The following MAGI2 variants were observed in gnomAD, a reference collection of about 807,000 sequenced individuals.
MAGI2 encodes the protein membrane-associated guanylate kinase, WW and PDZ domain-containing protein 2.
MAGI2 carries 35 observed loss-of-function variants against 133.3 expected under a neutral mutation model. That is an observed-to-expected ratio of 0.26 (90% CI 0.20 to 0.35). The LOEUF (loss-of-function observed/expected upper bound fraction) is 0.35. Among genes scored for constraint, MAGI2 ranks in the 10% least tolerant of loss-of-function variants. The pLI, the probability that MAGI2 is intolerant of heterozygous loss-of-function variation, is 1.00. For synonymous variants in MAGI2, 729 were observed against 710.6 expected (o/e 1.03, Z -0.41); for missense variants, 1,636 against 1,863.4 (o/e 0.88, Z 2.25).
At chr7:78,313,704 C>A (rs756035456) in intron 9 of MAGI2, among the ~76,000 whole-genome samples, 2 of 151,684 alleles carry the variant, frequency 1.3e-5, no homozygotes, top group Non-Finnish European at 2.9e-5. Flanking sequence ...TGGCCAGTAG[C>A]ACATTTTGTT....
intron 1 of MAGI2, among the ~76,000 whole-genome samples, chr7:79,255,522 CAATG>C (rs1162008616): frequency 2.0e-5 from 3 of 152,148 alleles, no homozygotes; most frequent in South Asian, 4.1e-4. Flanking sequence ...TGGAATCACA[CAATG>C]ATTTAGAGAA....
At chr7:78,821,651 T>A (rs1158338024) in intron 2 of MAGI2, among the ~76,000 whole-genome samples, 2 of 152,084 alleles carry the variant, frequency 1.3e-5, no homozygotes, top group Non-Finnish European at 2.9e-5. Context: ...TATAAAACTA[T>A]TTAAAGTGTA....
intron 6 of MAGI2, among the ~76,000 whole-genome samples, chr7:78,410,055 ATGG>A (rs1333519380): frequency 6.6e-5 from 10 of 152,046 alleles, no homozygotes; most frequent in African/African-American, 2.2e-4. Flanking sequence ...AGGAAAGCTG[ATGG>A]TCTCAGTCCA....
At chr7:78,797,221 T>C (rs1452353689) in intron 2 of MAGI2, among the ~76,000 whole-genome samples, 1 of 152,120 alleles carries the variant, frequency 6.6e-6, no homozygotes, top group African/African-American at 2.4e-5. Flanking sequence ...ATCGTAGACA[T>C]GTATCAAAAT....
rs1365974003 is a variant in MAGI2, at chr7:78,019,453, C to A, written c.4230G>T (p.Ala1410=). ...GGGGTCGCGGGCCCGGCCGGGGACC[C>A]GCGCGCGCACCCGCCCTGCCCTCGG... ...LEAEGRAGAR[A]GPRPGPRPPG... The change falls in exon 22 of 22, where the codon GCG becomes GCT. Residue 1410 remains alanine (A), a synonymous_variant. Transcript: ENST00000354212. 4 of 983,128 alleles carry A rather than the reference C, an allele frequency of 4.1e-6. No individual in the cohort carries two copies. In the African/African-American group the frequency reaches 5.3e-5, roughly 13 times the overall value. 60.9% of individuals were successfully genotyped at this position (983,128 alleles called of 1,614,324 possible). A position where few individuals can be genotyped will look rare whatever the true frequency, so the allele number is the denominator to read the frequency against.
At chr7:78,923,502 G>A (rs1799429099) in intron 2 of MAGI2, among the ~76,000 whole-genome samples, 1 of 152,154 alleles carries the variant, frequency 6.6e-6, no homozygotes, top group African/African-American at 2.4e-5. Flanking sequence ...TCAGATAGTT[G>A]TAGATAAGCG....
At chr7:78,400,401 T>C (rs1466622397) in intron 6 of MAGI2, among the ~76,000 whole-genome samples, 4 of 152,208 alleles carry the variant, frequency 2.6e-5, no homozygotes, top group Non-Finnish European at 4.4e-5. Flanking sequence ...CAAAATAGAT[T>C]ATAATATATT....
intron 1 of MAGI2, among the ~76,000 whole-genome samples, chr7:79,341,362 C>T (rs1464775376): frequency 6.6e-6 from 1 of 151,722 alleles, no homozygotes; most frequent in Non-Finnish European, 1.5e-5. Flanking sequence ...CTTTATTCTC[C>T]ATATTGACAT....
intron 3 of MAGI2, among the ~76,000 whole-genome samples, chr7:78,530,159 C>A (rs1043897959): frequency 1.3e-5 from 2 of 152,044 alleles, no homozygotes; most frequent in Non-Finnish European, 2.9e-5. Flanking sequence ...AACAATAAAC[C>A]GAACATCTCT....
At chr7:78,711,192 A>G (rs2151176076) in intron 2 of MAGI2, among the ~76,000 whole-genome samples, 1 of 152,284 alleles carries the variant, frequency 6.6e-6, no homozygotes, top group Non-Finnish European at 1.5e-5. Context: ...TCAACAAAGG[A>G]AACATTCATT....
At position 78,963,094 on chromosome 7, in the gene MAGI2, G is replaced by A. The variant is rs529569081; in HGVS notation, c.418+43996C>T. Among the ~76,000 whole-genome samples, 5 of 152,092 alleles carry A rather than the reference G, an allele frequency of 3.3e-5. No individual in the cohort carries two copies. In the East Asian group the frequency reaches 5.8e-4, roughly 18 times the overall value. ...TAACTCAAGTGTCTGTAAACTATGAGTTATGGATTATTCACCTACTTTAAA... is the reference window on the plus strand; with the variant it reads ...TAACTCAAGTGTCTGTAAACTATGAATTATGGATTATTCACCTACTTTAAA... On this transcript the variant is annotated intron_variant, in intron 2 of 21. Coordinates refer to ENST00000354212, the MANE Select transcript of MAGI2 (RefSeq NM_012301.4).
At chr7:79,378,210 T>C (rs935034543) in intron 1 of MAGI2, among the ~76,000 whole-genome samples, 5 of 151,808 alleles carry the variant, frequency 3.3e-5, no homozygotes, top group African/African-American at 1.2e-4. Flanking sequence ...TATAATTATC[T>C]GAAACTGGGA....
At chr7:78,908,179 C>T (rs902201793) in intron 2 of MAGI2, among the ~76,000 whole-genome samples, 4 of 152,100 alleles carry the variant, frequency 2.6e-5, no homozygotes, top group African/African-American at 9.7e-5. Flanking sequence ...TACCTGTGGG[C>T]TATGCCATAG....
At chr7:79,220,823 C>T (rs1268462972) in intron 1 of MAGI2, among the ~76,000 whole-genome samples, 11 of 152,074 alleles carry the variant, frequency 7.2e-5, no homozygotes, top group African/African-American at 7.3e-5. Flanking sequence ...TAGGCATTCA[C>T]GCCCACCGTG....
chr7:78,807,711 C>T (rs760678213), intron 2 of MAGI2, among the ~76,000 whole-genome samples: 17 of 152,252 alleles, frequency 1.1e-4, no homozygotes, highest in Middle Eastern at 3.4e-3. Context: ...ATGAGTATTG[C>T]ATATGCTTCT....
At chr7:78,610,309 T>G (rs1806300482) in intron 3 of MAGI2, among the ~76,000 whole-genome samples, 1 of 152,110 alleles carries the variant, frequency 6.6e-6, no homozygotes, top group Non-Finnish European at 1.5e-5. Context: ...CAGGCTGACT[T>G]GGTTTCTAGA....
rs115721010 is a variant in MAGI2 at position 79,138,492 on chromosome 7, G to T, written c.302-131286C>A. Among the ~76,000 whole-genome samples, 832 of 152,272 alleles carry T rather than the reference G, an allele frequency of 5.5e-3. 11 individuals are homozygous for T. The highest frequency in any genetic ancestry group is 0.019 in the African/African-American group (792 of 41,550). ...CAAGAGTGATTAGGAAAGTAGTATA[G>T]GCTTCTCTCAAGGCCCTCCTTCCAT... On this transcript the variant is annotated intron_variant, in intron 1 of 21. Transcript: ENST00000354212.
intron 3 of MAGI2, among the ~76,000 whole-genome samples, chr7:78,581,518 A>T (rs560574630): frequency 4.6e-5 from 7 of 152,204 alleles, no homozygotes; most frequent in Non-Finnish European, 1.0e-4. Flanking sequence ...ATTCTTTAAG[A>T]GCAGTAACTT....
chr7:78,838,399 T>C (rs1006106113), intron 2 of MAGI2, among the ~76,000 whole-genome samples: 2 of 152,046 alleles, frequency 1.3e-5, no homozygotes, highest in Admixed American at 6.6e-5. Flanking sequence ...TACATATCAC[T>C]GTTACACCAA....
Sources: gnomAD v4.1 joint callset for allele counts (sites outside exome capture counted in the v4.1 genomes callset) on GRCh38, gnomAD v4.1.1 for gene constraint, MANE v1.5 for transcripts, NCBI Gene and HGNC (gene_info 2026-07-23, HGNC 2026-07-21) for gene names.